The following TUBA1C variants were observed in gnomAD, a reference collection of about 807,000 sequenced individuals.
TUBA1C encodes the protein tubulin alpha-1C chain.
TUBA1C carries 16 observed loss-of-function variants against 34.9 expected under a neutral mutation model. The observed-to-expected ratio is 0.46, with a 90% CI of 0.31 to 0.70. The LOEUF (loss-of-function observed/expected upper bound fraction) is 0.70, where lower values mean the gene tolerates loss of function less well. Ranked by LOEUF, TUBA1C falls within the 30% of genes least tolerant of loss-of-function variation. The probability of loss-of-function intolerance (pLI) is 0.05; values close to 1 mark genes in which losing one functional copy is unlikely to be tolerated. For missense variants in TUBA1C, 329 were observed against 587.3 expected (o/e 0.56, Z 4.55); for synonymous variants, 177 against 215.9 (o/e 0.82, Z 1.58).
At chr12:49,267,504 C>T (rs148434458) in intron 1 of TUBA1C, among the ~76,000 whole-genome samples, 14 of 152,234 alleles carry the variant, frequency 9.2e-5, no homozygotes, top group African/African-American at 2.6e-4. Context: ...ACTAAAAATA[C>T]GAAAATAAGG....
intron 1 of TUBA1C, 149 bp downstream of exon 1, chr12:49,265,333 T>C (rs1942892156): frequency 1.8e-6 from 1 of 543,634 alleles, no homozygotes; most frequent in Non-Finnish European, 3.0e-6. Context: ...GCGGCCGGGC[T>C]GGAAGGTCGA....
At chr12:49,246,507 G>A (rs1220203308) in intron 1 of TUBA1C, among the ~76,000 whole-genome samples, 10 of 151,450 alleles carry the variant, frequency 6.6e-5, no homozygotes, top group African/African-American at 1.7e-4. Flanking sequence ...GTGAAACCCC[G>A]TCTCTACTAA....
intron 3 of TUBA1C, among the ~76,000 whole-genome samples, chr12:49,270,982 A>C (rs1416110175): frequency 6.1e-5 from 9 of 146,878 alleles, no homozygotes; most frequent in East Asian, 1.9e-4. Context: ...CCATCTCAAA[A>C]AAACAAACAA....
chr12:49,258,763 T>G (rs896058361), intron 1 of TUBA1C, among the ~76,000 whole-genome samples: 1 of 151,210 alleles, frequency 6.6e-6, no homozygotes. Context: ...AAATGAAATT[T>G]TTTTTTTTTT....
chr12:49,240,035 G>C (rs1413558270), intron 1 of TUBA1C, among the ~76,000 whole-genome samples: 12 of 138,664 alleles, frequency 8.7e-5, no homozygotes, highest in African/African-American at 8.0e-5. Context: ...TCAGAGCACA[G>C]ACACACACAC....
Position 49,236,864 on chromosome 12 carries a change from G to C in TUBA1C, c.213+8698G>C, listed in dbSNP as rs566056930. 2.0e-5 allele frequency among the ~76,000 whole-genome samples: 3 copies of C among 152,286 alleles called. No individual in the cohort carries two copies. In the South Asian group the frequency reaches 6.2e-4, roughly 32 times the overall value. On this transcript the variant is annotated intron_variant, in intron 1 of 3. Coordinates refer to the TUBA1C transcript ENST00000541364. ...GCTAAACAGAAAAGGAACAGTATTT[G>C]ATACAGTCCGGATTATGATATTATA...
intron 3 of TUBA1C, among the ~76,000 whole-genome samples, chr12:49,271,265 G>A (rs966060336): frequency 6.6e-6 from 1 of 152,126 alleles, no homozygotes; most frequent in African/African-American, 2.4e-5. Context: ...ACAAATCTGA[G>A]GCCCATCACT....
Sources: gnomAD v4.1 joint callset for allele counts (sites outside exome capture counted in the v4.1 genomes callset) on GRCh38, gnomAD v4.1.1 for gene constraint, MANE v1.5 for transcripts, NCBI Gene and HGNC (gene_info 2026-07-23, HGNC 2026-07-21) for gene names.